Variants in RAB15 observed in about 807,000 individuals in gnomAD.
RAB15 encodes the protein RAB15, member RAS oncogene family.
A neutral mutation model predicts 31.8 loss-of-function variants in RAB15; 13 were observed. The ratio of observed to expected loss-of-function variants is 0.41; its 90% CI spans 0.27 to 0.65. The LOEUF is 0.65. Among genes scored for constraint, RAB15 ranks in the 30% least tolerant of loss-of-function variants. The probability of loss-of-function intolerance (pLI) is 0.32; values close to 1 mark genes in which losing one functional copy is unlikely to be tolerated. For missense variants in RAB15, 220 were observed against 277.3 expected (o/e 0.79, Z 1.47); for synonymous variants, 100 against 105.6 (o/e 0.95, Z 0.33).
rs1162634711 is a variant in RAB15 at position 64,954,280 on chromosome 14, C to A, written c.125-1709G>T. The A allele has an allele frequency of 1.0e-6, 1 of 985,228 alleles. No homozygotes were observed. The highest frequency in any genetic ancestry group is 1.2e-6 in the Non-Finnish European group (1 of 829,924). 61.0% of individuals were successfully genotyped at this position (985,228 alleles called of 1,614,324 possible). On this transcript the variant is annotated intron_variant, in intron 1 of 6. Coordinates refer to ENST00000533601, the MANE Select transcript of RAB15 (RefSeq NM_001308154.2). This position sits in a 1 kb window ranked among gnomAD's most constrained non-coding sequence, Gnocchi z 4.3. ...GGGAGGAAGGAGAGAAGCATCAGGC[C>A]TTGGGAAGCAGGAGTATGCTTATTT...
rs1281762053 is a variant in RAB15, at chr14:64,972,223, C to CGCCT, written c.-151_-148dup. 1 of 433,056 alleles carries CGCCT rather than the reference C, an allele frequency of 2.3e-6. No homozygotes were observed. The highest frequency in any genetic ancestry group is 2.2e-5 in the African/African-American group (1 of 46,224). 26.8% of individuals were successfully genotyped at this position (433,056 alleles called of 1,614,324 possible). A position where few individuals can be genotyped will look rare whatever the true frequency, so the allele number is the denominator to read the frequency against. On this transcript the variant is annotated 5_prime_UTR_variant, in exon 1 of 7. Coordinates refer to ENST00000533601, the MANE Select transcript of RAB15 (RefSeq NM_001308154.2). This position sits in a 1 kb window ranked among gnomAD's most constrained non-coding sequence, Gnocchi z 6.3. ...GGCCCCCGCGGCTGCCTCGCCCGCC[C>CGCCT]GCCTGCCCACTCGCTCGCTGGGTGC...
At position 64,972,262 on chromosome 14, in the gene RAB15, T is replaced by A. The variant is rs1887470805; in HGVS notation, c.-186A>T. ...CTCGCTGGGTGCCGGGAAGCGCGGCTGCGGCGGGAGCCCGGCGCGGCGCCC... is the reference window on the plus strand; with the variant it reads ...CTCGCTGGGTGCCGGGAAGCGCGGCAGCGGCGGGAGCCCGGCGCGGCGCCC... On this transcript the variant is annotated 5_prime_UTR_variant, in exon 1 of 7. Coordinates refer to ENST00000533601, the MANE Select transcript of RAB15 (RefSeq NM_001308154.2). This position sits in a 1 kb window ranked among gnomAD's most constrained non-coding sequence, Gnocchi z 6.3. 3 of 232,258 alleles carry A rather than the reference T, an allele frequency of 1.3e-5. No individual in the cohort carries two copies. The South Asian group carries it at 4.6e-4, about 36-fold the overall frequency. 14.4% of individuals were successfully genotyped at this position (232,258 alleles called of 1,614,324 possible). A position where few individuals can be genotyped will look rare whatever the true frequency, so the allele number is the denominator to read the frequency against.
chr14:64,966,533 AAAT>A (rs1390587555), intron 1 of RAB15, among the ~76,000 whole-genome samples: 22 of 148,100 alleles, frequency 1.5e-4, no homozygotes, highest in East Asian at 5.8e-4. Flanking sequence ...AAAAAAAAAT[AAAT>A]AAATAAATAA....
chr14:64,954,136 T>A lies in RAB15; in HGVS notation c.125-1565A>T, dbSNP rs574444132. On this transcript the variant is annotated intron_variant, in intron 1 of 6. Coordinates refer to ENST00000533601, the MANE Select transcript of RAB15 (RefSeq NM_001308154.2). The surrounding 1 kb of genome is among the most constrained non-coding windows in gnomAD (Gnocchi z 4.3). Reference sequence around the variant, plus strand: ...CTAAATCGATTTGGTCAGACGTGAATCATTTCTCGCCTGCCCAAGCTGATT... The same window carrying A: ...CTAAATCGATTTGGTCAGACGTGAAACATTTCTCGCCTGCCCAAGCTGATT... 6.5e-5 allele frequency: 64 copies of A among 985,428 alleles called. No individual in the cohort carries two copies. The South Asian group carries it at 2.4e-3, about 37-fold the overall frequency. The allele number at this position is 985,428 out of a possible 1,614,324, so 61.0% of individuals were successfully genotyped here. A position where few individuals can be genotyped will look rare whatever the true frequency, so the allele number is the denominator to read the frequency against.
Position 64,962,425 on chromosome 14 carries a change from A to G in RAB15, c.124+9528T>C, listed in dbSNP as rs1894437667. ...AAGATAAGCTATGAACAGCACAGAA[A>G]GATCCTTGTCATCAGAGCTTAATTC... is the stretch of plus-strand genomic sequence containing the variant. On this transcript the variant is annotated intron_variant, in intron 1 of 6. Transcript: ENST00000533601. This position sits in a 1 kb window ranked among gnomAD's most constrained non-coding sequence, Gnocchi z 4.2. 6.6e-6 allele frequency among the ~76,000 whole-genome samples: 1 copy of G among 152,220 alleles called. No individual in the cohort carries two copies. Among genetic ancestry groups the G allele is most frequent in the South Asian group, 2.1e-4 (1 of 4,834 alleles).
At position 64,971,345 on chromosome 14, in the gene RAB15, C is replaced by T. The variant is rs1205186465; in HGVS notation, c.124+608G>A. Among the ~76,000 whole-genome samples, 1 of 152,186 alleles carries T rather than the reference C, an allele frequency of 6.6e-6. No homozygotes were observed. Among genetic ancestry groups the T allele is most frequent in the East Asian group, 1.9e-4 (1 of 5,180 alleles). On this transcript the variant is annotated intron_variant, in intron 1 of 6. Transcript: ENST00000533601. The surrounding 1 kb of genome is among the most constrained non-coding windows in gnomAD (Gnocchi z 4.1). ...ACACTCCTCCATCCTCTTTAGCCTC[C>T]CTCAGAACAGATGTCTCCTCTTCCC...
rs566519833 is a variant in RAB15 at position 64,971,599 on chromosome 14, C to T, written c.124+354G>A. 6.6e-6 allele frequency among the ~76,000 whole-genome samples: 1 copy of T among 152,120 alleles called. No individual in the cohort carries two copies. The highest frequency in any genetic ancestry group is 6.5e-5 in the Admixed American group (1 of 15,296). ...TTTTCCGTAGCAGAAGCTTTACTTC[C>T]CCTCCCCCTGGGGGTGTGGGGATGT... On this transcript the variant is annotated intron_variant, in intron 1 of 6. Transcript: ENST00000533601. This position sits in a 1 kb window ranked among gnomAD's most constrained non-coding sequence, Gnocchi z 4.1.
chr14:64,957,189 A>C (rs1886623336), intron 1 of RAB15, among the ~76,000 whole-genome samples: 1 of 151,588 alleles, frequency 6.6e-6, no homozygotes, highest in Admixed American at 6.6e-5. Context: ...CTCCCGCCTC[A>C]GCTTCCCACA....
At position 64,968,724 on chromosome 14, in the gene RAB15, C is replaced by T. The variant is rs2140004445; in HGVS notation, c.124+3229G>A. On this transcript the variant is annotated intron_variant, in intron 1 of 6. Coordinates refer to ENST00000533601, the MANE Select transcript of RAB15 (RefSeq NM_001308154.2). This position sits in a 1 kb window ranked among gnomAD's most constrained non-coding sequence, Gnocchi z 4.9. ...CAATATGTCTCTAAAATGCCTGGCA[C>T]AGAGCTTGGTAGTGAATGCTCAATT... is the stretch of plus-strand genomic sequence containing the variant. 6.6e-6 allele frequency among the ~76,000 whole-genome samples: 1 copy of T among 152,294 alleles called. No homozygotes were observed. The highest frequency in any genetic ancestry group is 6.5e-5 in the Admixed American group (1 of 15,298).
chr14:64,949,654 C>T (rs1291005975), intron 5 of RAB15, among the ~76,000 whole-genome samples: 1 of 144,628 alleles, frequency 6.9e-6, no homozygotes, highest in Non-Finnish European at 1.5e-5. Context: ...ACTCAGGAGG[C>T]AGAGGTTGCA....
At position 64,954,771 on chromosome 14, in the gene RAB15, AGAG is replaced by A. The variant is rs1237027083; in HGVS notation, c.125-2203_125-2201del. On this transcript the variant is annotated intron_variant, in intron 1 of 6. Coordinates refer to ENST00000533601, the MANE Select transcript of RAB15 (RefSeq NM_001308154.2). This position sits in a 1 kb window ranked among gnomAD's most constrained non-coding sequence, Gnocchi z 4.3. The stretch of plus-strand genomic sequence containing the variant: ...CCTTGCGCTGGTTCTTAGGGAAGCA[AGAG>A]GAGAGTCGTGTAGTTGGCTAGGCCT... Among the ~76,000 whole-genome samples the A allele has an allele frequency of 6.6e-6, 1 of 152,218 alleles. No homozygotes were observed. Among genetic ancestry groups the A allele is most frequent in the African/African-American group, 2.4e-5 (1 of 41,468 alleles).
At position 64,955,317 on chromosome 14, in the gene RAB15, G is replaced by A. The variant is rs1023377468; in HGVS notation, c.125-2746C>T. Reference sequence around the variant, plus strand: ...TTCAAGAGGAATCTATTGCTTCTGCGCTCTGTTCCCACACAACCTGGGCCT... The same window carrying A: ...TTCAAGAGGAATCTATTGCTTCTGCACTCTGTTCCCACACAACCTGGGCCT... On this transcript the variant is annotated intron_variant, in intron 1 of 6. Coordinates refer to ENST00000533601, the MANE Select transcript of RAB15 (RefSeq NM_001308154.2). This position sits in a 1 kb window ranked among gnomAD's most constrained non-coding sequence, Gnocchi z 4.4. Among the ~76,000 whole-genome samples the A allele has an allele frequency of 1.3e-5, 2 of 151,976 alleles. No homozygotes were observed. The highest frequency in any genetic ancestry group is 1.9e-4 in the East Asian group (1 of 5,176).
chr14:64,966,982 GTC>G (rs1305266683), intron 1 of RAB15, among the ~76,000 whole-genome samples: 1 of 152,128 alleles, frequency 6.6e-6, no homozygotes, highest in Non-Finnish European at 1.5e-5. Context: ...AGGCCCCAGT[GTC>G]TGTTAGGTCA....
rs368762949 is a variant in RAB15 at position 64,971,475 on chromosome 14, G to T, written c.124+478C>A. Among the ~76,000 whole-genome samples the T allele has an allele frequency of 5.3e-5, 8 of 151,944 alleles. No homozygotes were observed. Among genetic ancestry groups the T allele is most frequent in the Non-Finnish European group, 1.2e-4 (8 of 67,964 alleles). ...GAAACTCGATCCCTGTGGCCCCTCC[G>T]TACGTCCTCTCTTCCCCCCCTCGCC... On this transcript the variant is annotated intron_variant, in intron 1 of 6. Transcript: ENST00000533601. This position sits in a 1 kb window ranked among gnomAD's most constrained non-coding sequence, Gnocchi z 4.1.
Position 64,971,965 on chromosome 14 carries a change from T to C in RAB15, c.112A>G (p.Ile38Val). The change falls in exon 1 of 7, where the codon ATC (isoleucine) becomes GTC (valine). Residue 38 changes from isoleucine (I) to valine (V), a missense_variant. Transcript: ENST00000533601. This position sits in a 1 kb window ranked among gnomAD's most constrained non-coding sequence, Gnocchi z 4.1. ...FTDNEFHSSH[I>V]STIGVDFKMK... ...CACCGCCCCTTACCGATGGTGGAGATGTGCGAGGAGTGGAACTCGTTGTCG... is the reference window on the plus strand; with the variant it reads ...CACCGCCCCTTACCGATGGTGGAGACGTGCGAGGAGTGGAACTCGTTGTCG... 1 of 1,583,280 alleles carries C rather than the reference T, an allele frequency of 6.3e-7. No homozygotes were observed. Among genetic ancestry groups the C allele is most frequent in the Non-Finnish European group, 8.6e-7 (1 of 1,165,310 alleles).
At chr14:64,966,084 TC>T (rs1358345386) in intron 1 of RAB15, among the ~76,000 whole-genome samples, 15 of 152,100 alleles carry the variant, frequency 9.9e-5, no homozygotes, top group Admixed American at 9.2e-4. Flanking sequence ...ACCTCACTCT[TC>T]CTTCTCAGAC....
At chr14:64,967,418 C>G (rs1299288743) in intron 1 of RAB15, among the ~76,000 whole-genome samples, 3 of 152,110 alleles carry the variant, frequency 2.0e-5, no homozygotes, top group Non-Finnish European at 4.4e-5. Flanking sequence ...GAAACCCCAT[C>G]TCTACAAAAC....
chr14:64,949,026 G>A (rs1484484161), intron 5 of RAB15, among the ~76,000 whole-genome samples: 5 of 152,158 alleles, frequency 3.3e-5, no homozygotes, highest in Admixed American at 6.5e-5. Flanking sequence ...TGGCATCCTC[G>A]TAAAAAACAT....
Position 64,972,038 on chromosome 14 carries a change from C to G in RAB15, c.39G>C (p.Leu13=). ...KQYDVLFRLL[L]IGDSGVGKTC... is the part of the protein sequence containing the mutation. ...TCTTGCCCACCCCGGAGTCCCCGAT[C>G]AGCAGCAGCCGGAACAGCACATCGT... is the stretch of plus-strand genomic sequence containing the variant. Residue 13 remains leucine, a synonymous_variant, in exon 1 of 7, where the codon CTG becomes CTC. Transcript: ENST00000533601. The surrounding 1 kb of genome is among the most constrained non-coding windows in gnomAD (Gnocchi z 6.3). 1 of 1,610,902 alleles carries G rather than the reference C, an allele frequency of 6.2e-7. No individual in the cohort carries two copies. The highest frequency in any genetic ancestry group is 8.5e-7 in the Non-Finnish European group (1 of 1,178,822).
Sources: allele counts gnomAD v4.1 joint callset (sites outside exome capture counted in the v4.1 genomes callset), GRCh38; gene constraint gnomAD v4.1.1; non-coding constraint Gnocchi (gnomAD v3.1); transcripts MANE v1.5; gene names NCBI Gene and HGNC (gene_info 2026-07-23, HGNC 2026-07-21).